CDH23: variants seen among roughly 807,000 people sequenced by gnomAD.
The protein encoded by CDH23 is cadherin-23.
A neutral mutation model predicts 317.1 loss-of-function variants in CDH23; 189 were observed. The observed-to-expected ratio is 0.60, with a 90% CI of 0.53 to 0.67. The LOEUF is 0.67. CDH23 is among the 30% of genes least tolerant of loss of function. The pLI is 0.00. For missense variants in CDH23, 4,401 were observed against 4,592.4 expected, an observed-to-expected ratio of 0.96 and a Z score of 1.20; for synonymous variants, 1,839 against 1,876.8, an observed-to-expected ratio of 0.98 and a Z score of 0.52.
intron 6 of CDH23, among the ~76,000 whole-genome samples, chr10:71,542,662 C>G (rs1209800494): frequency 6.6e-6 from 1 of 152,230 alleles, no homozygotes; most frequent in Non-Finnish European, 1.5e-5. Flanking sequence ...CAGCCAAGAC[C>G]TGGCTGCTGA....
At chr10:71,609,484 T>C (rs979653242) in intron 9 of CDH23, among the ~76,000 whole-genome samples, 9 of 152,176 alleles carry the variant, frequency 5.9e-5, no homozygotes, top group Non-Finnish European at 1.3e-4. Flanking sequence ...TATCTTAAAG[T>C]CTGACTCTGG....
chr10:71,670,967 T>A (rs1415521684), intron 14 of CDH23, among the ~76,000 whole-genome samples: 1 of 150,080 alleles, frequency 6.7e-6, no homozygotes, highest in Non-Finnish European at 1.5e-5. Context: ...GCATCTTTTT[T>A]TTTTTTTTTT....
At chr10:71,653,617 C>A (rs921785996) in intron 14 of CDH23, among the ~76,000 whole-genome samples, 1 of 152,232 alleles carries the variant, frequency 6.6e-6, no homozygotes, top group African/African-American at 2.4e-5. Flanking sequence ...TGTTGCTCTG[C>A]AACATCTGTG....
intron 9 of CDH23, among the ~76,000 whole-genome samples, chr10:71,583,337 C>A (rs932912904): frequency 6.6e-6 from 1 of 151,828 alleles, no homozygotes; most frequent in Non-Finnish European, 1.5e-5. Context: ...GAATGCCAGC[C>A]CTGGTCCTGG....
At chr10:71,758,131 C>T (rs986078278) in intron 38 of CDH23, among the ~76,000 whole-genome samples, 3 of 152,106 alleles carry the variant, frequency 2.0e-5, no homozygotes, top group Non-Finnish European at 2.9e-5. Context: ...CCCAGGAGTT[C>T]GAGACCAGCC....
At chr10:71,494,871 C>T (rs888315383) in intron 3 of CDH23, among the ~76,000 whole-genome samples, 1 of 152,144 alleles carries the variant, frequency 6.6e-6, no homozygotes, top group Non-Finnish European at 1.5e-5. Context: ...TGAGAGAGAC[C>T]CAGCCCTGCC....
intron 6 of CDH23, among the ~76,000 whole-genome samples, chr10:71,522,435 G>A (rs1457746442): frequency 6.6e-6 from 1 of 152,180 alleles, no homozygotes. Context: ...CCTGGGAGCA[G>A]GCAGCCAGCT....
At chr10:71,719,635 C>T (rs1866454649) in intron 28 of CDH23, 1 of 152,826 alleles carries the variant, frequency 6.5e-6, no homozygotes, top group African/African-American at 2.4e-5. Context: ...ACCTCAGAGC[C>T]AGACCCCAGC....
At chr10:71,411,312 T>A (rs1206898211) in intron 1 of CDH23, among the ~76,000 whole-genome samples, 2 of 152,204 alleles carry the variant, frequency 1.3e-5, no homozygotes, top group Non-Finnish European at 2.9e-5. Context: ...TTATATTCAA[T>A]AATGCTTTTT....
At chr10:71,792,516 A>G (rs1451851722) in intron 47 of CDH23, among the ~76,000 whole-genome samples, 5 of 152,084 alleles carry the variant, frequency 3.3e-5, no homozygotes, top group Non-Finnish European at 2.9e-5. Flanking sequence ...AAAGGCAAAC[A>G]ACAAACCAAA....
Position 71,801,150 on chromosome 10 carries a change from C to T in CDH23, c.7482+395C>T, listed in dbSNP as rs7090873. ...CATCTTTATTTATGTCTCTCTCTCTCTTTTTTTTTTTTTTTTTTTTTTGAG... is the reference window on the plus strand; with the variant it reads ...CATCTTTATTTATGTCTCTCTCTCTTTTTTTTTTTTTTTTTTTTTTTTGAG... On this transcript the variant is annotated intron_variant, in intron 53 of 69. Transcript: ENST00000224721. Among the ~76,000 whole-genome samples the T allele has an allele frequency of 1.2e-4, 9 of 73,984 alleles. No homozygotes were observed. The East Asian group carries it at 2.3e-3, about 19-fold the overall frequency. The allele number at this position is 73,984 out of a possible 152,430, so 48.5% of individuals were successfully genotyped here. A position where few individuals can be genotyped will look rare whatever the true frequency, so the allele number is the denominator to read the frequency against.
At chr10:71,810,170 G>A in intron 61 of CDH23, 94 bp downstream of exon 61, 2 of 1,443,626 alleles carry the variant, frequency 1.4e-6, no homozygotes, top group Non-Finnish European at 1.9e-6. Context: ...GCAAAGGCCA[G>A]GGCGTGAAAG....
intron 11 of CDH23, among the ~76,000 whole-genome samples, chr10:71,641,883 AGCCTGGCCAACAG>A (rs1333460059): frequency 6.6e-6 from 1 of 152,192 alleles, no homozygotes; most frequent in African/African-American, 2.4e-5. Flanking sequence ...GTTTGAGACC[AGCCTGGCCAACAG>A]GCGAAAACCC....
At chr10:71,521,381 C>T (rs1189381560) in intron 6 of CDH23, among the ~76,000 whole-genome samples, 1 of 152,320 alleles carries the variant, frequency 6.6e-6, no homozygotes, top group East Asian at 1.9e-4. Flanking sequence ...ATCCCTGCAC[C>T]TCCCAGTCTG....
At chr10:71,533,978 G>T (rs1276964393) in intron 6 of CDH23, among the ~76,000 whole-genome samples, 1 of 152,068 alleles carries the variant, frequency 6.6e-6, no homozygotes, top group East Asian at 1.9e-4. Context: ...CCTCATTCCC[G>T]GCCAGGGTCT....
At chr10:71,614,810 T>G (rs1861096133) in intron 9 of CDH23, among the ~76,000 whole-genome samples, 1 of 152,012 alleles carries the variant, frequency 6.6e-6, no homozygotes, top group Admixed American at 6.6e-5. Flanking sequence ...CCAGTGTGAG[T>G]TTCTGTGGAG....
At chr10:71,487,171 T>G (rs1475123143) in intron 3 of CDH23, among the ~76,000 whole-genome samples, 1 of 152,082 alleles carries the variant, frequency 6.6e-6, no homozygotes, top group Non-Finnish European at 1.5e-5. Flanking sequence ...TTCCTTTATC[T>G]CTAAAATCTA....
intron 1 of CDH23, among the ~76,000 whole-genome samples, chr10:71,432,996 T>A (rs1194324208): frequency 2.6e-5 from 4 of 152,136 alleles, no homozygotes; most frequent in African/African-American, 9.7e-5. Flanking sequence ...CTAATCAGGG[T>A]TGTCCATGTG....
intron 6 of CDH23, among the ~76,000 whole-genome samples, chr10:71,527,142 G>C (rs1390635151): frequency 6.6e-6 from 1 of 152,204 alleles, no homozygotes; most frequent in Non-Finnish European, 1.5e-5. Context: ...GTGGGGTGGG[G>C]ATGCCAGACA....
Sources: gnomAD v4.1 joint callset for allele counts (sites outside exome capture counted in the v4.1 genomes callset) on GRCh38, gnomAD v4.1.1 for gene constraint, MANE v1.5 for transcripts, NCBI Gene and HGNC (gene_info 2026-07-23, HGNC 2026-07-21) for gene names.